ANO6: variants seen among roughly 807,000 people sequenced by gnomAD.
ANO6 encodes anoctamin 6, also known as anoctamin-6.
In ANO6, 106 loss-of-function variants were observed where a neutral mutation model predicts 117.5. That is an observed-to-expected ratio of 0.90 (90% confidence interval 0.77 to 1.06). The LOEUF (loss-of-function observed/expected upper bound fraction) is 1.06, where lower values mean the gene tolerates loss of function less well. Among genes scored for constraint, ANO6 ranks in the 50% least tolerant of loss-of-function variants. The pLI is 0.00. For synonymous variants in ANO6, 367 were observed against 385.1 expected (o/e 0.95, Z 0.55); for missense variants, 955 against 1,121.1 (o/e 0.85, Z 2.12).
intron 1 of ANO6, among the ~76,000 whole-genome samples, chr12:45,262,716 G>A (rs553230711): frequency 5.3e-5 from 8 of 152,240 alleles, no homozygotes; most frequent in East Asian, 3.9e-4. Flanking sequence ...GAGCCACTGC[G>A]CCCGGCTTTC....
intron 1 of ANO6, among the ~76,000 whole-genome samples, chr12:45,255,589 T>C (rs1378421225): frequency 1.3e-5 from 2 of 152,336 alleles, no homozygotes; most frequent in South Asian, 4.1e-4. Context: ...AATCATAGGA[T>C]TCTTAATTTA....
At chr12:45,369,028 T>C (rs1941756469) in intron 9 of ANO6, among the ~76,000 whole-genome samples, 1 of 152,202 alleles carries the variant, frequency 6.6e-6, no homozygotes, top group Admixed American at 6.5e-5. Context: ...CATTACCATA[T>C]TCTTTGCCAG....
intron 9 of ANO6, among the ~76,000 whole-genome samples, chr12:45,372,573 A>G (rs1463010580): frequency 6.8e-6 from 1 of 146,364 alleles, no homozygotes; most frequent in Non-Finnish European, 1.5e-5. Context: ...TCTTAAAGAA[A>G]AGAATTTTCA....
chr12:45,398,868 G>A (rs944048295), intron 12 of ANO6, among the ~76,000 whole-genome samples: 1 of 152,162 alleles, frequency 6.6e-6, no homozygotes, highest in Non-Finnish European at 1.5e-5. Context: ...CCTATTTAAT[G>A]TTATTTTTGT....
At position 45,361,941 on chromosome 12, in the gene ANO6, T is replaced by C. The variant is rs75707122; in HGVS notation, c.998+4517T>C. Among the ~76,000 whole-genome samples, 941 of 152,252 alleles carry C rather than the reference T, an allele frequency of 6.2e-3. 15 individuals are homozygous for C. Among genetic ancestry groups the C allele is most frequent in the African/African-American group, 0.021 (881 of 41,564 alleles). ...TTTCCATCTATATTTGCAAGAGATA[T>C]TAGGTCTCTAGTTTTCTTATGTTGT... is the stretch of plus-strand genomic sequence containing the variant. On this transcript the variant is annotated intron_variant, in intron 8 of 19. Transcript: ENST00000320560.
intron 2 of ANO6, among the ~76,000 whole-genome samples, chr12:45,318,563 C>T (rs1024624517): frequency 2.0e-5 from 3 of 152,160 alleles, no homozygotes; most frequent in African/African-American, 7.2e-5. Flanking sequence ...AATGTGATGC[C>T]TCCAGCTTTG....
At chr12:45,313,208 A>G (rs192745129) in intron 2 of ANO6, 1 of 152,200 alleles carries the variant, frequency 6.6e-6, no homozygotes, top group African/African-American at 2.4e-5. Context: ...GGTGAAAGCT[A>G]TTCTGAAGGT....
intron 2 of ANO6, among the ~76,000 whole-genome samples, chr12:45,316,124 T>G (rs1157597506): frequency 6.6e-6 from 1 of 152,162 alleles, no homozygotes; most frequent in Non-Finnish European, 1.5e-5. Context: ...TGTCACAGGA[T>G]AAAGGGTTAA....
intron 1 of ANO6, among the ~76,000 whole-genome samples, chr12:45,285,973 C>A (rs73281431): frequency 3.3e-5 from 5 of 152,200 alleles, no homozygotes; most frequent in African/African-American, 7.2e-5. Context: ...ATAGCCATTG[C>A]GGTTGCTACC....
intron 15 of ANO6, among the ~76,000 whole-genome samples, chr12:45,405,153 T>C (rs937912199): frequency 1.3e-5 from 2 of 152,118 alleles, no homozygotes; most frequent in Non-Finnish European, 2.9e-5. Flanking sequence ...TGAGCTCATA[T>C]TCAGATTTTT....
chr12:45,407,445 G>A (rs1942965215), intron 15 of ANO6, among the ~76,000 whole-genome samples: 1 of 148,710 alleles, frequency 6.7e-6, no homozygotes, highest in Non-Finnish European at 1.5e-5. Context: ...GTCATGAAGG[G>A]TGATGGACAT....
chr12:45,302,056 C>G lies in ANO6; in HGVS notation c.113C>G (p.Ser38Ter), dbSNP rs1199415826. The stretch of plus-strand genomic sequence containing the variant: ...CAGACAATTGTCCCCGATTTGGGAT[C>G]ACTGGAAAGTCAGCATGATTTTCGA... ...LGQTIVPDLG[S>*]LESQHDFRTP... Residue 38 changes from serine to a stop codon, truncating the protein, a stop_gained, in exon 2 of 20, where the codon TCA (serine) becomes TGA (stop). Coordinates refer to ENST00000320560, the MANE Select transcript of ANO6 (RefSeq NM_001025356.3). LOFTEE classifies it high-confidence loss of function. 6.2e-7 allele frequency: 1 copy of G among 1,613,858 alleles called. No individual in the cohort carries two copies.
At chr12:45,422,822 C>A in intron 18 of ANO6, 135 bp from the exon 19 acceptor site, 1 of 726,632 alleles carries the variant, frequency 1.4e-6, no homozygotes, top group Non-Finnish European at 2.5e-6. Flanking sequence ...GATCCACATG[C>A]CTCAGCCTCC....
At chr12:45,246,759 C>CT (rs34322669) in intron 1 of ANO6, among the ~76,000 whole-genome samples, 7,728 of 113,864 alleles carry the variant, frequency 0.068, 329 homozygotes, top group Non-Finnish European at 0.08. Context: ...TTCCACCCTA[C>CT]TTTTTTTTTT....
At chr12:45,250,090 A>G (rs1159492987) in intron 1 of ANO6, among the ~76,000 whole-genome samples, 1 of 152,174 alleles carries the variant, frequency 6.6e-6, no homozygotes, top group Non-Finnish European at 1.5e-5. Context: ...TAAAACCAAG[A>G]ACTGTGTTAC....
At chr12:45,326,683 A>G (rs907992037) in intron 2 of ANO6, among the ~76,000 whole-genome samples, 3 of 152,178 alleles carry the variant, frequency 2.0e-5, no homozygotes, top group Non-Finnish European at 4.4e-5. Context: ...AGGTCACTGT[A>G]TACATCATTT....
intron 2 of ANO6, among the ~76,000 whole-genome samples, chr12:45,330,095 A>T (rs1019932996): frequency 2.6e-5 from 4 of 152,096 alleles, no homozygotes; most frequent in Admixed American, 1.3e-4. Context: ...AATGCACTGG[A>T]TGAAGGTGCA....
chr12:45,376,023 C>T lies in ANO6; in HGVS notation c.1105-2030C>T, dbSNP rs1301510861. 4.8e-4 allele frequency among the ~76,000 whole-genome samples: 72 copies of T among 150,264 alleles called. 1 individual carries two copies. The highest frequency in any genetic ancestry group is 1.8e-3 in the African/African-American group (72 of 40,994). Reference sequence around the variant, plus strand: ...CAAATTTACAAGAAAAAAACAACCCCATCAAAAAGTGGGTGAAGGATATGA... The same window carrying T: ...CAAATTTACAAGAAAAAAACAACCCTATCAAAAAGTGGGTGAAGGATATGA... On this transcript the variant is annotated intron_variant, in intron 9 of 19. Coordinates refer to ENST00000320560, the MANE Select transcript of ANO6 (RefSeq NM_001025356.3).
At chr12:45,275,908 C>T (rs1458474373) in intron 1 of ANO6, among the ~76,000 whole-genome samples, 2 of 152,100 alleles carry the variant, frequency 1.3e-5, no homozygotes, top group African/African-American at 4.8e-5. Flanking sequence ...CTTTAAATAC[C>T]ATTAATTTGC....
Sources: gnomAD v4.1 joint callset for allele counts (sites outside exome capture counted in the v4.1 genomes callset) on GRCh38, gnomAD v4.1.1 for gene constraint, MANE v1.5 for transcripts, NCBI Gene and HGNC (gene_info 2026-07-23, HGNC 2026-07-21) for gene names.